CIDEA: variants seen among roughly 807,000 people sequenced by gnomAD.
CIDEA encodes the protein lipid transferase CIDEA.
CIDEA carries 10 observed loss-of-function variants against 18.2 expected under a neutral mutation model. The observed-to-expected ratio is 0.55, with a 90% CI of 0.34 to 0.93. The LOEUF is 0.93. CIDEA is among the 40% of genes least tolerant of loss of function. CIDEA has a pLI of 0.02. For missense variants in CIDEA, 309 were observed against 293.1 expected, an observed-to-expected ratio of 1.05 and a Z score of -0.40; for synonymous variants, 128 against 124.8, an observed-to-expected ratio of 1.03 and a Z score of -0.17.
chr18:12,256,004 A>G (rs755461936), intron 1 of CIDEA, among the ~76,000 whole-genome samples: 12 of 152,174 alleles, frequency 7.9e-5, no homozygotes, highest in Non-Finnish European at 1.2e-4. Flanking sequence ...ACCTGCTTCC[A>G]GGCTGAACTA....
intron 4 of CIDEA, among the ~76,000 whole-genome samples, chr18:12,276,010 T>TC (rs1181086020): frequency 1.3e-5 from 2 of 149,042 alleles, no homozygotes; most frequent in Non-Finnish European, 3.0e-5. Flanking sequence ...TTTTTCTTTT[T>TC]TGAGACGGAA....
intron 1 of CIDEA, among the ~76,000 whole-genome samples, chr18:12,259,510 C>G (rs1019090129): frequency 6.6e-6 from 1 of 152,166 alleles, no homozygotes; most frequent in African/African-American, 2.4e-5. Flanking sequence ...GTTTTCTCAT[C>G]CGTGAAGTGG....
At chr18:12,272,231 G>A (rs1462534438) in intron 3 of CIDEA, among the ~76,000 whole-genome samples, 1 of 146,698 alleles carries the variant, frequency 6.8e-6, no homozygotes, top group Non-Finnish European at 1.5e-5. Context: ...CGTTTGTTTT[G>A]AGATGGAGCC....
intron 3 of CIDEA, among the ~76,000 whole-genome samples, chr18:12,269,712 T>C (rs1291728532): frequency 6.6e-6 from 1 of 152,134 alleles, no homozygotes; most frequent in Non-Finnish European, 1.5e-5. Flanking sequence ...TTTTTCTTTT[T>C]TTTCGAGGCA....
At chr18:12,268,929 G>A (rs4797662) in intron 3 of CIDEA, among the ~76,000 whole-genome samples, 44,794 of 150,976 alleles carry the variant, frequency 0.3, 8,416 homozygotes, top group East Asian at 0.59. Context: ...GGGTTCAAGC[G>A]ATTCTCCTGC....
chr18:12,264,321 C>G lies in CIDEA; in HGVS notation c.198C>G (p.Leu66=). ...TGCACACCTAGACTCTGGATGCCCT[C>G]GTCATCGCTACCGGACTGGTCACTC... The part of the protein sequence containing the change: ...QELISKTLDA[L]VIATGLVTLV... Residue 66 remains leucine, a synonymous_variant, in exon 3 of 5, where the codon CTC becomes CTG. Coordinates refer to ENST00000320477, the MANE Select transcript of CIDEA (RefSeq NM_001279.4). The G allele has an allele frequency of 6.2e-7, 1 of 1,608,202 alleles. No individual in the cohort carries two copies. The highest frequency in any genetic ancestry group is 8.5e-7 in the Non-Finnish European group (1 of 1,177,808).
intron 1 of CIDEA, among the ~76,000 whole-genome samples, chr18:12,262,312 G>C (rs1214854273): frequency 3.3e-5 from 5 of 152,036 alleles, no homozygotes; most frequent in African/African-American, 1.2e-4. Context: ...GCTGTTCTTG[G>C]TTCCTCCTAA....
chr18:12,260,947 GT>G (rs1783896047), intron 1 of CIDEA, among the ~76,000 whole-genome samples: 2 of 152,194 alleles, frequency 1.3e-5, no homozygotes, highest in Admixed American at 1.3e-4. Context: ...GAAGTGTCCA[GT>G]CCTGCTCTGT....
At chr18:12,256,456 G>C (rs1179120452) in intron 1 of CIDEA, among the ~76,000 whole-genome samples, 1 of 152,226 alleles carries the variant, frequency 6.6e-6, no homozygotes, top group Non-Finnish European at 1.5e-5. Flanking sequence ...ATCGTTAGGG[G>C]CCTTGGTCCT....
rs747079058 is a variant in CIDEA at position 12,274,165 on chromosome 18, A to G, written c.403A>G (p.Arg135Gly). The change falls in exon 4 of 5, where the codon AGG becomes GGG. Residue 135 changes from arginine to glycine, a missense_variant. Physicochemically the swap from Arg to Gly is moderately radical, Grantham distance 125. Coordinates refer to ENST00000320477, the MANE Select transcript of CIDEA (RefSeq NM_001279.4). ...AGCGAGAGTCACCTTCGACTTGTAC[A>G]GGCTGAACCCCAAGGACTTCATCGG... ...GIARVTFDLY[R>G]LNPKDFIGCL... The G allele has an allele frequency of 1.9e-6, 3 of 1,614,204 alleles. No homozygotes were observed. The highest frequency in any genetic ancestry group is 2.2e-5 in the East Asian group (1 of 44,874).
chr18:12,268,211 C>A (rs1388064814), intron 3 of CIDEA, among the ~76,000 whole-genome samples: 1 of 147,722 alleles, frequency 6.8e-6, no homozygotes. Flanking sequence ...ATTACAAGTG[C>A]CTGCCACCAT....
intron 3 of CIDEA, among the ~76,000 whole-genome samples, chr18:12,266,728 G>C (rs957898728): frequency 6.6e-6 from 1 of 151,674 alleles, no homozygotes; most frequent in East Asian, 1.9e-4. Flanking sequence ...ACGTAGGGAA[G>C]GATTTTTTTA....
intron 2 of CIDEA, chr18:12,263,830 A>G (rs1028996881): frequency 5.3e-5 from 8 of 152,252 alleles, no homozygotes; most frequent in African/African-American, 1.9e-4. Flanking sequence ...AGCAGCAAAC[A>G]TGCAAGAGCT....
chr18:12,255,621 A>C (rs1041012373), intron 1 of CIDEA, among the ~76,000 whole-genome samples: 1 of 152,156 alleles, frequency 6.6e-6, no homozygotes, highest in Non-Finnish European at 1.5e-5. Flanking sequence ...GGGAGGTCTT[A>C]GCAGTTTGGA....
At chr18:12,255,987 G>C (rs1038220219) in intron 1 of CIDEA, among the ~76,000 whole-genome samples, 1 of 152,170 alleles carries the variant, frequency 6.6e-6, no homozygotes, top group East Asian at 1.9e-4. Context: ...GCAGTTCTTT[G>C]AAATCTACCT....
intron 3 of CIDEA, among the ~76,000 whole-genome samples, chr18:12,270,366 A>C (rs1295045779): frequency 1.3e-5 from 2 of 152,058 alleles, no homozygotes; most frequent in African/African-American, 4.8e-5. Context: ...CAATTATAAA[A>C]GCATAATATT....
chr18:12,275,258 G>A (rs1905292837), intron 4 of CIDEA, among the ~76,000 whole-genome samples: 1 of 152,194 alleles, frequency 6.6e-6, no homozygotes, highest in African/African-American at 2.4e-5. Flanking sequence ...AGGAGGCGGA[G>A]GTTGCAGTGA....
At chr18:12,254,867 G>C (rs752279659) in intron 1 of CIDEA, 15 of 1,326,362 alleles carry the variant, frequency 1.1e-5, no homozygotes, top group Non-Finnish European at 1.5e-5. Context: ...ACGGGAGCTG[G>C]GCGCGGGAGG....
intron 3 of CIDEA, among the ~76,000 whole-genome samples, chr18:12,265,044 A>T (rs1471517547): frequency 6.6e-6 from 1 of 152,238 alleles, no homozygotes; most frequent in Non-Finnish European, 1.5e-5. Flanking sequence ...AATGCACGGA[A>T]TTGACTTGGC....
Sources: allele counts gnomAD v4.1 joint callset (sites outside exome capture counted in the v4.1 genomes callset), GRCh38; gene constraint gnomAD v4.1.1; transcripts MANE v1.5; gene names NCBI Gene and HGNC (gene_info 2026-07-23, HGNC 2026-07-21).